KIF18A: variants seen among roughly 807,000 people sequenced by gnomAD.
KIF18A encodes the protein kinesin-like protein KIF18A.
KIF18A carries 67 observed loss-of-function variants against 103.3 expected under a neutral mutation model. That is an observed-to-expected ratio of 0.65 (90% CI 0.53 to 0.79). KIF18A has a LOEUF of 0.79. KIF18A is among the 30% of genes least tolerant of loss of function. The pLI is 0.00. For synonymous variants in KIF18A, 367 were observed against 355.5 expected, an observed-to-expected ratio of 1.03 and a Z score of -0.36; for missense variants, 1,032 against 1,062.5, an observed-to-expected ratio of 0.97 and a Z score of 0.40.
chr11:28,046,087 CT>C (rs1454898951), intron 13 of KIF18A, among the ~76,000 whole-genome samples: 1 of 151,378 alleles, frequency 6.6e-6, no homozygotes, highest in Non-Finnish European at 1.5e-5. Flanking sequence ...CACTTTTACA[CT>C]GTTGGTGGGA....
intron 15 of KIF18A, among the ~76,000 whole-genome samples, chr11:28,024,552 T>G (rs1268921802): frequency 6.6e-6 from 1 of 151,778 alleles, no homozygotes; most frequent in African/African-American, 2.4e-5. Flanking sequence ...ACAGTGGAGA[T>G]GAGAAAAAAA....
chr11:28,080,181 T>C (rs2133550084), intron 9 of KIF18A, among the ~76,000 whole-genome samples: 1 of 152,198 alleles, frequency 6.6e-6, no homozygotes, highest in East Asian at 1.9e-4. Flanking sequence ...TGGCTTTGTC[T>C]CCACTATCTT....
intron 13 of KIF18A, among the ~76,000 whole-genome samples, chr11:28,048,213 T>C (rs1420705466): frequency 2.0e-5 from 3 of 152,132 alleles, no homozygotes; most frequent in African/African-American, 7.2e-5. Context: ...ACAATGCATA[T>C]CTAATGCCTT....
chr11:28,081,639 C>T (rs1017901442), intron 9 of KIF18A, among the ~76,000 whole-genome samples: 6 of 152,104 alleles, frequency 3.9e-5, no homozygotes, highest in African/African-American at 1.4e-4. Flanking sequence ...TGGAGATGGA[C>T]GAGAAGATTA....
chr11:28,058,915 G>GTTATAC lies in KIF18A; in HGVS notation c.1948+5_1948+10dup. On this transcript the variant is annotated intron_variant, in intron 13 of 16. Coordinates refer to ENST00000263181, the MANE Select transcript of KIF18A (RefSeq NM_031217.4). The stretch of plus-strand genomic sequence containing the variant: ...ATGTTACTATTTACTTAAAACGAAA[G>GTTATAC]TTATACTTACAACAAGGAATAGGCT... 1 of 1,604,260 alleles carries GTTATAC rather than the reference G, an allele frequency of 6.2e-7. No individual in the cohort carries two copies. The highest frequency in any genetic ancestry group is 2.2e-5 in the East Asian group (1 of 44,784).
Position 28,099,368 on chromosome 11 carries a change from G to T in KIF18A, c.-46-1375C>A, listed in dbSNP as rs766540910. ...TAAAAGGGGAAATGTTGGTCAAAGG[G>T]TACAAAGTTTCAGTTATACAAGAGG... On this transcript the variant is annotated intron_variant, in intron 1 of 16. Transcript: ENST00000263181. Among the ~76,000 whole-genome samples the T allele has an allele frequency of 3.3e-5, 5 of 152,118 alleles. No individual in the cohort carries two copies. In the South Asian group the frequency reaches 8.3e-4, roughly 25 times the overall value.
chr11:28,083,278 G>C, intron 7 of KIF18A, 35 bp from the exon 8 acceptor site: 1 of 1,523,618 alleles, frequency 6.6e-7, no homozygotes, highest in Non-Finnish European at 8.7e-7. Flanking sequence ...TGTTTATAGA[G>C]AGATAATAAT....
chr11:28,040,299 T>A (rs981114087), intron 13 of KIF18A, among the ~76,000 whole-genome samples: 2 of 151,702 alleles, frequency 1.3e-5, no homozygotes, highest in South Asian at 4.1e-4. Flanking sequence ...TAGGTCTATG[T>A]CTATAAAAGA....
At chr11:28,071,212 G>A (rs899377977) in intron 10 of KIF18A, among the ~76,000 whole-genome samples, 1 of 152,140 alleles carries the variant, frequency 6.6e-6, no homozygotes, top group African/African-American at 2.4e-5. Flanking sequence ...AATGTTATTA[G>A]TCTTTTAAAA....
At chr11:28,085,112 C>T (rs1427855941) in intron 6 of KIF18A, among the ~76,000 whole-genome samples, 1 of 152,116 alleles carries the variant, frequency 6.6e-6, no homozygotes, top group Non-Finnish European at 1.5e-5. Context: ...GGTATGGGGT[C>T]AGCTGCTGAA....
intron 9 of KIF18A, among the ~76,000 whole-genome samples, chr11:28,080,403 C>T (rs1565086305): frequency 1.4e-5 from 2 of 147,614 alleles, no homozygotes; most frequent in Admixed American, 6.8e-5. Flanking sequence ...TTGCTGTGAG[C>T]AAGTCTATAA....
intron 1 of KIF18A, among the ~76,000 whole-genome samples, chr11:28,103,807 C>A (rs1230717595): frequency 6.6e-6 from 1 of 151,904 alleles, no homozygotes; most frequent in African/African-American, 2.4e-5. Flanking sequence ...CAGGCAATCA[C>A]AATGAGAACC....
chr11:28,049,102 G>C (rs937936887), intron 13 of KIF18A, among the ~76,000 whole-genome samples: 5 of 151,984 alleles, frequency 3.3e-5, no homozygotes, highest in African/African-American at 1.2e-4. Flanking sequence ...AACTAGTTTA[G>C]ATGTCACTAT....
intron 1 of KIF18A, among the ~76,000 whole-genome samples, chr11:28,107,472 CA>C (rs1450217658): frequency 6.6e-6 from 1 of 152,008 alleles, no homozygotes; most frequent in Non-Finnish European, 1.5e-5. Context: ...ATTTGCCAAA[CA>C]GTATCTCTTC....
chr11:28,021,154 G>A lies in KIF18A; in HGVS notation c.*46C>T. On this transcript the variant is annotated 3_prime_UTR_variant, in exon 17 of 17. Transcript: ENST00000263181. ...TTTTGAAAGGGTATTGATAAACTTT[G>A]AAAAGCAGATTTGATCAACTTCATT... is the stretch of plus-strand genomic sequence containing the variant. 1 of 1,436,088 alleles carries A rather than the reference G, an allele frequency of 7.0e-7. No homozygotes were observed. The highest frequency in any genetic ancestry group is 9.2e-7 in the Non-Finnish European group (1 of 1,089,282). 89.0% of individuals were successfully genotyped at this position (1,436,088 alleles called of 1,614,324 possible).
intron 14 of KIF18A, among the ~76,000 whole-genome samples, 190 bp downstream of exon 14, chr11:28,036,027 T>C (rs1464500298): frequency 6.6e-6 from 1 of 151,510 alleles, no homozygotes; most frequent in Non-Finnish European, 1.5e-5. Flanking sequence ...ACTTAAGATA[T>C]CAAATTTAAG....
chr11:28,021,435 C>G (rs1027354485), intron 16 of KIF18A, among the ~76,000 whole-genome samples, 153 bp from the exon 17 acceptor site: 4 of 152,088 alleles, frequency 2.6e-5, no homozygotes, highest in Non-Finnish European at 5.9e-5. Flanking sequence ...ATAACAACAA[C>G]AAAGAGACAT....
chr11:28,081,550 A>AAAAAAAG (rs1851165218), intron 9 of KIF18A, among the ~76,000 whole-genome samples: 1 of 152,158 alleles, frequency 6.6e-6, no homozygotes. Flanking sequence ...CACTGTTAAG[A>AAAAAAAG]CCTATTGCTC....
At chr11:28,081,412 T>C (rs1851163434) in intron 9 of KIF18A, among the ~76,000 whole-genome samples, 1 of 152,144 alleles carries the variant, frequency 6.6e-6, no homozygotes, top group Non-Finnish European at 1.5e-5. Flanking sequence ...GAAGTCGATG[T>C]TCATTTACCA....
Sources: allele counts gnomAD v4.1 joint callset (sites outside exome capture counted in the v4.1 genomes callset), GRCh38; gene constraint gnomAD v4.1.1; transcripts MANE v1.5; gene names NCBI Gene and HGNC (gene_info 2026-07-23, HGNC 2026-07-21).